MYO7A: variants seen among roughly 807,000 people sequenced by gnomAD.
The protein encoded by MYO7A is myosin VIIA.
A neutral mutation model predicts 263.8 loss-of-function variants in MYO7A; 210 were observed. The observed-to-expected ratio is 0.80, with a 90% CI of 0.71 to 0.89. The LOEUF is 0.89. MYO7A is among the 40% of genes least tolerant of loss of function. MYO7A has a pLI of 0.00. For synonymous variants in MYO7A, 1,239 were observed against 1,197.3 expected, an observed-to-expected ratio of 1.03 and a Z score of -0.72; for missense variants, 2,820 against 2,968.3, an observed-to-expected ratio of 0.95 and a Z score of 1.16.
rs376489545 is a variant in MYO7A at position 77,205,383 on chromosome 11, C to T, written c.5481-79C>T. On this transcript the variant is annotated intron_variant, in intron 39 of 48. Transcript: ENST00000409709. ...TGATGAGCAGCTGAGGGGTACATGG[C>T]CCCCTCACCCGGGGGTGCACAGGTC... 2.9e-5 allele frequency: 43 copies of T among 1,468,564 alleles called. No individual in the cohort carries two copies. The African/African-American group carries it at 4.0e-4, about 14-fold the overall frequency. 91.0% of individuals were successfully genotyped at this position (1,468,564 alleles called of 1,614,324 possible). A position where few individuals can be genotyped will look rare whatever the true frequency, so the allele number is the denominator to read the frequency against.
chr11:77,140,079 A>G (rs781840288), intron 2 of MYO7A, among the ~76,000 whole-genome samples: 1 of 152,276 alleles, frequency 6.6e-6, no homozygotes, highest in Non-Finnish European at 1.5e-5. Context: ...GTGTGGCCCC[A>G]AGAGCTTCAC....
intron 4 of MYO7A, among the ~76,000 whole-genome samples, chr11:77,148,850 A>AT (rs1322794300): frequency 2.0e-5 from 3 of 152,194 alleles, no homozygotes; most frequent in Non-Finnish European, 2.9e-5. Flanking sequence ...GTTTTTACAG[A>AT]TTTTTTCAAA....
chr11:77,135,856 T>C (rs565649538), intron 2 of MYO7A, among the ~76,000 whole-genome samples: 8 of 152,344 alleles, frequency 5.3e-5, no homozygotes, highest in African/African-American at 1.4e-4. Context: ...CATCTTTTCA[T>C]GTGCCTTTGG....
chr11:77,212,403 G>A (rs1167500433), intron 46 of MYO7A: 14 of 359,092 alleles, frequency 3.9e-5, no homozygotes, highest in Admixed American at 1.1e-4. Context: ...GGCAGGAGGC[G>A]AGAGTGGGCT....
At chr11:77,128,931 A>G (rs1300063735) in intron 1 of MYO7A, among the ~76,000 whole-genome samples, 1 of 152,216 alleles carries the variant, frequency 6.6e-6, no homozygotes, top group Non-Finnish European at 1.5e-5. Flanking sequence ...CCCAACAGCC[A>G]GGGTTGTAGT....
In MYO7A at chr11:77,203,523, G is replaced by A. The variant is rs74388076; in HGVS notation, c.5326+306G>A. On this transcript the variant is annotated intron_variant, in intron 38 of 48. Coordinates refer to ENST00000409709, the MANE Select transcript of MYO7A (RefSeq NM_000260.4). The stretch of plus-strand genomic sequence containing the variant: ...CACACATCCAGATCAATGTTGAGAT[G>A]GGACCCGGCAGCACTGTGACCTGAC... Among the ~76,000 whole-genome samples, 33 of 152,300 alleles carry A rather than the reference G, an allele frequency of 2.2e-4. No individual in the cohort carries two copies. The East Asian group carries it at 5.2e-3, about 24-fold the overall frequency.
intron 47 of MYO7A, 37 bp from the exon 48 acceptor site, chr11:77,213,823 C>G (rs1480003484): frequency 3.1e-6 from 5 of 1,613,596 alleles, no homozygotes; most frequent in African/African-American, 1.3e-5. Context: ...CCACAGGGCC[C>G]AGGCCGTGCC....
Position 77,139,805 on chromosome 11 carries a change from G to GTTCCT in MYO7A, c.19-2900_19-2896dup. ...TGATTTGATGAGTGACTGTGGCCAG[G>GTTCCT]TTCCTTTCTCTCTTTGGCCCTCAGT... is the stretch of plus-strand genomic sequence containing the variant. On this transcript the variant is annotated intron_variant, in intron 2 of 48. Coordinates refer to ENST00000409709, the MANE Select transcript of MYO7A (RefSeq NM_000260.4). Among the ~76,000 whole-genome samples the GTTCCT allele has an allele frequency of 2.0e-5, 3 of 152,286 alleles. No individual in the cohort carries two copies. The South Asian group carries it at 6.2e-4, about 32-fold the overall frequency.
rs114524372 is a variant in MYO7A at position 77,160,085 on chromosome 11, G to A, written c.1081-78G>A. The A allele has an allele frequency of 1.2e-3, 1,742 of 1,510,114 alleles. 19 individuals carry two copies. The African/African-American group carries it at 0.021, about 18-fold the overall frequency. The allele number at this position is 1,510,114 out of a possible 1,614,324, so 93.5% of individuals were successfully genotyped here. A position where few individuals can be genotyped will look rare whatever the true frequency, so the allele number is the denominator to read the frequency against. Reference sequence around the variant, plus strand: ...CAGTGGTCTGGGCCAGGCCAGTGCCGGAAAGTGGAGGGATCCGGGTGTGGG... The same window carrying A: ...CAGTGGTCTGGGCCAGGCCAGTGCCAGAAAGTGGAGGGATCCGGGTGTGGG... On this transcript the variant is annotated intron_variant, in intron 10 of 48. Transcript: ENST00000409709.
intron 14 of MYO7A, among the ~76,000 whole-genome samples, chr11:77,165,001 T>TC (rs1953399334): frequency 6.6e-6 from 1 of 152,226 alleles, no homozygotes; most frequent in Admixed American, 6.5e-5. Context: ...GTATTAGGTG[T>TC]TCTGAAGAGA....
In MYO7A at chr11:77,190,105, C is replaced by G; in HGVS notation, c.3716C>G (p.Thr1239Arg). The change falls in exon 29 of 49, where the codon ACA (threonine) becomes AGA (arginine). Residue 1239 changes from threonine to arginine, a missense_variant. Coordinates refer to ENST00000409709, the MANE Select transcript of MYO7A (RefSeq NM_000260.4). ...ERLRRTFVNG[T>R]RTQPPSWLEL... ...CTGAGAAGGACCTTTGTCAATGGGA[C>G]ACGGACACAGCCGCCCAGCTGGCTG... The G allele has an allele frequency of 1.3e-6, 2 of 1,577,174 alleles. No individual in the cohort carries two copies. Among genetic ancestry groups the G allele is most frequent in the East Asian group, 4.7e-5 (2 of 42,954 alleles).
At chr11:77,190,943 AC>A in intron 30 of MYO7A, 73 bp downstream of exon 30, 1 of 1,442,140 alleles carries the variant, frequency 6.9e-7, no homozygotes, top group Non-Finnish European at 9.3e-7. Context: ...CAGTGCTGCC[AC>A]CTACTTGCCG....
rs778880077 is a variant in MYO7A, at chr11:77,179,777, C to G, written c.2410C>G (p.Arg804Gly). Residue 804 changes from arginine (R) to glycine (G), a missense_variant, in exon 21 of 49, where the codon CGG (arginine) becomes GGG (glycine). Coordinates refer to ENST00000409709, the MANE Select transcript of MYO7A (RefSeq NM_000260.4). ...GCGGCTGCAGGCCCTGCACCGCTCC[C>G]GGAAGCTGCACCAGCAGTACCGCCT... is the stretch of plus-strand genomic sequence containing the variant. ...FLRLQALHRS[R>G]KLHQQYRLAR... is the part of the protein sequence containing the mutation. The G allele has an allele frequency of 4.5e-6, 7 of 1,551,306 alleles. No individual in the cohort carries two copies. The South Asian group carries it at 8.3e-5, about 18-fold the overall frequency.
chr11:77,162,554 A>AATGGGTACTC, intron 13 of MYO7A, among the ~76,000 whole-genome samples: 1 of 152,132 alleles, frequency 6.6e-6, no homozygotes. Flanking sequence ...GTTGGCATGG[A>AATGGGTACTC]ATGGGTACTC....
intron 24 of MYO7A, 108 bp downstream of exon 24, chr11:77,182,262 G>A (rs1332430584): frequency 3.6e-5 from 52 of 1,455,286 alleles, no homozygotes; most frequent in Non-Finnish European, 4.8e-5. Flanking sequence ...GTCCCTGGGG[G>A]CCAGGGACCA....
chr11:77,181,388 G>A lies in MYO7A; in HGVS notation c.2703G>A (p.Leu901=), dbSNP rs1198020087. ...EEAERKHQER[L]AQLAREDAER... Reference sequence around the variant, plus strand: ...TCACCCCAATTGCCCAGGAGCGCCTGGCCCAGCTGGCTCGTGAGGACGCTG... The same window carrying A: ...TCACCCCAATTGCCCAGGAGCGCCTAGCCCAGCTGGCTCGTGAGGACGCTG... The change falls in exon 23 of 49, where the codon CTG becomes CTA. Residue 901 remains leucine, a synonymous_variant. Coordinates refer to ENST00000409709, the MANE Select transcript of MYO7A (RefSeq NM_000260.4). 5 of 1,565,220 alleles carry A rather than the reference G, an allele frequency of 3.2e-6. No individual in the cohort carries two copies. The highest frequency in any genetic ancestry group is 4.3e-6 in the Non-Finnish European group (5 of 1,156,222).
Position 77,130,619 on chromosome 11 carries a change from C to T in MYO7A, c.-16C>T. 6.2e-7 allele frequency: 1 copy of T among 1,613,100 alleles called. No homozygotes were observed. Among genetic ancestry groups the T allele is most frequent in the South Asian group, 1.1e-5 (1 of 90,668 alleles). ...TGCCTGGCCCAGTGGGCAGCAGGAG[C>T]TCCTGACTTGGGACCATGGTGATTC... On this transcript the variant is annotated 5_prime_UTR_variant, in exon 2 of 49. Coordinates refer to ENST00000409709, the MANE Select transcript of MYO7A (RefSeq NM_000260.4).
Position 77,198,540 on chromosome 11 carries a change from C to T in MYO7A, c.4487C>T (p.Thr1496Met), listed in dbSNP as rs373651847. Reference protein sequence around the residue: ...KNDVIVAVNWTGVYFVDEQEQ... With the variant: ...KNDVIVAVNWMGVYFVDEQEQ... ...GACGTCATCGTGGCCGTCAACTGGA[C>T]GGGTGTGTACTTTGTGGATGAGCAG... Residue 1496 changes from threonine to methionine, a missense_variant, in exon 34 of 49, where the codon ACG becomes ATG. Physicochemically the swap from Thr to Met is moderately conservative, Grantham distance 81. Transcript: ENST00000409709. 1.7e-5 allele frequency: 28 copies of T among 1,613,796 alleles called. No homozygotes were observed. In the Admixed American group the frequency reaches 2.2e-4, roughly 12 times the overall value.
rs1952425739 is a variant in MYO7A, at chr11:77,155,980, GC to G, written c.361del (p.Gln121SerfsTer25). On this transcript the variant is annotated frameshift_variant, in exon 5 of 49. Transcript: ENST00000409709. LOFTEE classifies it high-confidence loss of function. The stretch of plus-strand genomic sequence containing the variant: ...TCCATCTACTCGCCAGAGCACATCC[GC>G]CAGTATACCAACAAGAAGATTGGGG... ...LLSIYSPEHI[R>X]QYTNKKIGEM... is the part of the protein sequence containing the mutation. 1 of 1,613,166 alleles carries G rather than the reference GC, an allele frequency of 6.2e-7. No individual in the cohort carries two copies. The highest frequency in any genetic ancestry group is 8.5e-7 in the Non-Finnish European group (1 of 1,179,644).
Sources: gnomAD v4.1 joint callset for allele counts (sites outside exome capture counted in the v4.1 genomes callset) on GRCh38, gnomAD v4.1.1 for gene constraint, MANE v1.5 for transcripts, NCBI Gene and HGNC (gene_info 2026-07-23, HGNC 2026-07-21) for gene names.